Variants in GHR observed in about 807,000 individuals in gnomAD.
GHR encodes the protein growth hormone receptor, also known as GH receptor.
A neutral mutation model predicts 67.1 loss-of-function variants in GHR; 35 were observed. The observed-to-expected ratio is 0.52, with a 90% CI of 0.40 to 0.69. GHR has a LOEUF of 0.69. GHR is among the 30% of genes least tolerant of loss of function. GHR has a pLI of 0.00. For missense variants in GHR, 792 were observed against 764.6 expected (o/e 1.04, Z -0.42); for synonymous variants, 272 against 269.1 (o/e 1.01, Z -0.10).
chr5:42,501,394 C>A (rs913560479), intron 1 of GHR, among the ~76,000 whole-genome samples: 2 of 151,906 alleles, frequency 1.3e-5, no homozygotes, highest in African/African-American at 4.8e-5. Flanking sequence ...TGTCATTAGG[C>A]CCTAAATGAT....
At chr5:42,601,018 C>G (rs137983878) in intron 2 of GHR, among the ~76,000 whole-genome samples, 1 of 147,564 alleles carries the variant, frequency 6.8e-6, no homozygotes. Flanking sequence ...CCTCCGCCTC[C>G]TGGGTTCAAG....
chr5:42,568,760 T>A (rs976701728), intron 2 of GHR, among the ~76,000 whole-genome samples: 1 of 152,112 alleles, frequency 6.6e-6, no homozygotes, highest in African/African-American at 2.4e-5. Flanking sequence ...AAGTCTAGAT[T>A]GTGTGATGAA....
intron 2 of GHR, among the ~76,000 whole-genome samples, chr5:42,602,006 C>A (rs1318141238): frequency 6.6e-6 from 1 of 151,970 alleles, no homozygotes; most frequent in East Asian, 1.9e-4. Flanking sequence ...TAACCAATTT[C>A]TTTTTTCTAT....
chr5:42,628,081 C>T (rs1433999412), intron 2 of GHR, among the ~76,000 whole-genome samples: 4 of 152,248 alleles, frequency 2.6e-5, no homozygotes, highest in East Asian at 1.9e-4. Context: ...CTCCTCTCAG[C>T]GTCCAGATGT....
intron 1 of GHR, among the ~76,000 whole-genome samples, chr5:42,446,103 G>T (rs1288572911): frequency 6.6e-6 from 1 of 152,182 alleles, no homozygotes; most frequent in Non-Finnish European, 1.5e-5. Flanking sequence ...CATATTGAAG[G>T]CCTGCATAAG....
chr5:42,583,519 A>AG (rs1455317185), intron 2 of GHR, among the ~76,000 whole-genome samples: 8 of 152,212 alleles, frequency 5.3e-5, no homozygotes, highest in African/African-American at 1.9e-4. Flanking sequence ...GACCAGTTTG[A>AG]GCTGGCCAGT....
chr5:42,649,445 AC>A (rs1449164719), intron 3 of GHR, among the ~76,000 whole-genome samples: 5 of 152,202 alleles, frequency 3.3e-5, no homozygotes, highest in African/African-American at 1.2e-4. Context: ...TAAACAAAAT[AC>A]CTTAATGAAT....
chr5:42,690,699 A>G (rs1191170853), intron 4 of GHR, among the ~76,000 whole-genome samples: 3 of 152,176 alleles, frequency 2.0e-5, no homozygotes, highest in Non-Finnish European at 4.4e-5. Context: ...CTTTCAGTAT[A>G]AGAGAGGTCT....
rs547275261 is a variant in GHR at position 42,569,741 on chromosome 5, GTA to G, written c.70+3805_70+3806del. ...TATATGTACACATATACATATACAT[GTA>G]TATATATGTACACTATATGTATATA... On this transcript the variant is annotated intron_variant, in intron 2 of 9. Transcript: ENST00000230882. Among the ~76,000 whole-genome samples, 151 of 151,944 alleles carry G rather than the reference GTA, an allele frequency of 9.9e-4. 2 individuals are homozygous for G. Among genetic ancestry groups the G allele is most frequent in the Non-Finnish European group, 9.4e-4 (64 of 67,920 alleles).
intron 2 of GHR, among the ~76,000 whole-genome samples, chr5:42,607,908 A>G (rs1752703059): frequency 6.6e-6 from 1 of 152,208 alleles, no homozygotes; most frequent in African/African-American, 2.4e-5. Context: ...TACTTTCAAG[A>G]TTTCCTGGCA....
intron 1 of GHR, among the ~76,000 whole-genome samples, chr5:42,460,487 G>T (rs1561316035): frequency 6.6e-6 from 1 of 152,150 alleles, no homozygotes; most frequent in East Asian, 1.9e-4. Flanking sequence ...TTATCATACT[G>T]CTGATCCATA....
At position 42,531,939 on chromosome 5, in the gene GHR, C is replaced by A. The variant is rs147035760; in HGVS notation, c.-11-33925C>A. On this transcript the variant is annotated intron_variant, in intron 1 of 9. Coordinates refer to ENST00000230882, the MANE Select transcript of GHR (RefSeq NM_000163.5). Reference sequence around the variant, plus strand: ...AGAGTTTTTCAATGGAGTACTTGGGCAGTTGAATTAGTATGTTTCTCGTAG... The same window carrying A: ...AGAGTTTTTCAATGGAGTACTTGGGAAGTTGAATTAGTATGTTTCTCGTAG... 4.6e-5 allele frequency among the ~76,000 whole-genome samples: 7 copies of A among 151,536 alleles called. No individual in the cohort carries two copies. In the East Asian group the frequency reaches 5.8e-4, roughly 13 times the overall value.
At chr5:42,682,139 A>G (rs1756914735) in intron 3 of GHR, among the ~76,000 whole-genome samples, 1 of 152,122 alleles carries the variant, frequency 6.6e-6, no homozygotes, top group Non-Finnish European at 1.5e-5. Flanking sequence ...TGAAGCTGGA[A>G]ACCATCATTC....
intron 1 of GHR, chr5:42,467,154 A>T: frequency 1.9e-6 from 3 of 1,600,238 alleles, no homozygotes; most frequent in South Asian, 2.2e-5. Context: ...CTCCACTGTG[A>T]ATTCTCTGGT....
chr5:42,651,521 T>C (rs553860374), intron 3 of GHR, among the ~76,000 whole-genome samples: 8 of 152,304 alleles, frequency 5.3e-5, no homozygotes, highest in African/African-American at 1.9e-4. Flanking sequence ...CATAGTATAC[T>C]GGAACAATGA....
intron 3 of GHR, among the ~76,000 whole-genome samples, chr5:42,661,182 A>G (rs938126659): frequency 2.0e-5 from 3 of 152,378 alleles, no homozygotes; most frequent in African/African-American, 7.2e-5. Flanking sequence ...AACACTCTGC[A>G]GGATATTATC....
rs1753307522 is a variant in GHR at position 42,619,015 on chromosome 5, C to A, written c.71-10023C>A. Among the ~76,000 whole-genome samples the A allele has an allele frequency of 2.6e-5, 4 of 152,078 alleles. No individual in the cohort carries two copies. In the South Asian group the frequency reaches 8.3e-4, roughly 31 times the overall value. On this transcript the variant is annotated intron_variant, in intron 2 of 9. Transcript: ENST00000230882. The stretch of plus-strand genomic sequence containing the variant: ...TGGCCCTCTGGTCTGTGCCTGTAAT[C>A]CAGATCAAGTACCATGGAATAAAGT...
intron 2 of GHR, among the ~76,000 whole-genome samples, chr5:42,605,402 G>A (rs1001431346): frequency 3.9e-5 from 6 of 152,032 alleles, no homozygotes; most frequent in African/African-American, 9.7e-5. Flanking sequence ...CACCGCGCCC[G>A]GCCTGGGGTG....
intron 2 of GHR, among the ~76,000 whole-genome samples, chr5:42,618,292 A>G (rs1372569218): frequency 1.3e-5 from 2 of 152,128 alleles, no homozygotes; most frequent in African/African-American, 2.4e-5. Context: ...ACCTTTAGAA[A>G]GTGAATCTAA....
Sources: allele counts gnomAD v4.1 joint callset (sites outside exome capture counted in the v4.1 genomes callset), GRCh38; gene constraint gnomAD v4.1.1; transcripts MANE v1.5; gene names NCBI Gene and HGNC (gene_info 2026-07-23, HGNC 2026-07-21).